The following ENTPD1 variants were observed in gnomAD, a reference collection of about 807,000 sequenced individuals.
ENTPD1 encodes the protein ectonucleoside triphosphate diphosphohydrolase 1.
A neutral mutation model predicts 57.0 loss-of-function variants in ENTPD1; 33 were observed. The observed-to-expected ratio is 0.58, with a 90% CI of 0.44 to 0.77. ENTPD1 has a LOEUF of 0.77. Among genes scored for constraint, ENTPD1 ranks in the 30% least tolerant of loss-of-function variants. ENTPD1 has a pLI of 0.00. For synonymous variants in ENTPD1, 202 were observed against 218.8 expected, an observed-to-expected ratio of 0.92 and a Z score of 0.68; for missense variants, 501 against 603.4, an observed-to-expected ratio of 0.83 and a Z score of 1.78.
At chr10:95,722,235 GT>G (rs71034349) in intron 1 of ENTPD1, among the ~76,000 whole-genome samples, 11 of 146,528 alleles carry the variant, frequency 7.5e-5, no homozygotes, top group South Asian at 2.2e-4. Context: ...ACCCATTGTG[GT>G]TTTTTTTTTA....
chr10:95,868,630 G>A lies in ENTPD1; in HGVS notation c.*2247G>A. The A allele has an allele frequency of 1.0e-6, 1 of 982,932 alleles. No homozygotes were observed. The highest frequency in any genetic ancestry group is 6.1e-5 in the Admixed American group (1 of 16,272). The allele number at this position is 982,932 out of a possible 1,614,324, so 60.9% of individuals were successfully genotyped here. ...CTGACCCTCACAACAACCCATAAGG[G>A]TGTAAATAGTATTTCCATTTTACAA... is the stretch of plus-strand genomic sequence containing the variant. On this transcript the variant is annotated 3_prime_UTR_variant, in exon 10 of 10. Coordinates refer to ENST00000371205, the MANE Select transcript of ENTPD1 (RefSeq NM_001776.6).
intron 1 of ENTPD1, among the ~76,000 whole-genome samples, chr10:95,806,750 T>A (rs1473129874): frequency 6.6e-6 from 1 of 152,222 alleles, no homozygotes; most frequent in Non-Finnish European, 1.5e-5. Flanking sequence ...CAGGCCCCTC[T>A]GCTGCAGGTC....
At chr10:95,694,923 C>T in the ENTPD1 span, among the ~76,000 whole-genome samples, 2 of 103,198 alleles carry the variant, frequency 1.9e-5, no homozygotes, top group South Asian at 6.2e-4. Context: ...TTTTTTGAGA[C>T]GGTGTTTCGC....
intron 1 of ENTPD1, among the ~76,000 whole-genome samples, chr10:95,724,161 CAAAAAAAAAAAA>C (rs35316347): frequency 2.0e-5 from 1 of 50,348 alleles, no homozygotes; most frequent in Non-Finnish European, 3.3e-5. Flanking sequence ...GACTCTGTCT[CAAAAAAAAAAAA>C]AAAAAAAAAA....
intron 7 of ENTPD1, among the ~76,000 whole-genome samples, chr10:95,855,652 T>C (rs2098453242): frequency 6.6e-6 from 1 of 152,122 alleles, no homozygotes; most frequent in African/African-American, 2.4e-5. Flanking sequence ...AATCTCTCAG[T>C]GTTTGCTTGT....
At chr10:95,850,709 C>A (rs190510624) in intron 7 of ENTPD1, among the ~76,000 whole-genome samples, 8 of 152,318 alleles carry the variant, frequency 5.3e-5, no homozygotes, top group Admixed American at 2.0e-4. Flanking sequence ...TACCCCAGCA[C>A]CACCCTTAAA....
intron 1 of ENTPD1, among the ~76,000 whole-genome samples, chr10:95,766,294 A>C (rs1348217624): frequency 6.6e-6 from 1 of 152,216 alleles, no homozygotes; most frequent in Non-Finnish European, 1.5e-5. Context: ...TACAGTAGTC[A>C]AACTCAGGAA....
In ENTPD1 at chr10:95,844,771, G is replaced by T. The variant is rs75237533; in HGVS notation, c.573+136G>T. On this transcript the variant is annotated intron_variant, in intron 5 of 9. Transcript: ENST00000371205. Reference sequence around the variant, plus strand: ...TGGATGGATGGATGACTGGATGAATGAATTTACTCTCACATTTGTAAGGGT... The same window carrying T: ...TGGATGGATGGATGACTGGATGAATTAATTTACTCTCACATTTGTAAGGGT... The T allele has an allele frequency of 0.029, 32,187 of 1,123,744 alleles. 679 individuals are homozygous for T. The highest frequency in any genetic ancestry group is 0.075 in the South Asian group (5,985 of 79,768). The allele number at this position is 1,123,744 out of a possible 1,614,324, so 69.6% of individuals were successfully genotyped here.
chr10:95,751,507 T>TATCACCTGAGAA (rs1395116840), upstream of ENTPD1, among the ~76,000 whole-genome samples: 86 of 152,058 alleles, frequency 5.7e-4, no homozygotes, highest in African/African-American at 1.9e-3. Context: ...TCACCTGAGG[T>TATCACCTGAGAA]CAGGAGTTCG....
intron 1 of ENTPD1, among the ~76,000 whole-genome samples, chr10:95,789,244 T>G (rs1484054744): frequency 6.6e-6 from 1 of 152,200 alleles, no homozygotes; most frequent in Non-Finnish European, 1.5e-5. Flanking sequence ...TTTAGAGAGA[T>G]ATGCTCTTTA....
chr10:95,741,629 G>A (rs2098000466), intron 1 of ENTPD1, among the ~76,000 whole-genome samples: 1 of 152,158 alleles, frequency 6.6e-6, no homozygotes, highest in Non-Finnish European at 1.5e-5. Context: ...AGCAAGTGGA[G>A]TATGCCTGTA....
chr10:95,810,195 G>A (rs1434888420), intron 1 of ENTPD1, among the ~76,000 whole-genome samples: 28 of 146,678 alleles, frequency 1.9e-4, no homozygotes, highest in South Asian at 2.2e-4. Flanking sequence ...GGGCAGAGGC[G>A]CTCCTCACAT....
chr10:95,755,862 T>G (rs2098021087), upstream of ENTPD1: 3 of 1,518,636 alleles, frequency 2.0e-6, no homozygotes, highest in Non-Finnish European at 2.7e-6. Context: ...GAAAAAGGGA[T>G]TTCTATAACG....
chr10:95,816,623 G>T (rs2098330889), intron 1 of ENTPD1, among the ~76,000 whole-genome samples: 1 of 152,142 alleles, frequency 6.6e-6, no homozygotes, highest in Admixed American at 6.5e-5. Context: ...TTGGAGTGAT[G>T]CAGCCACAAG....
In ENTPD1 at chr10:95,756,320, C is replaced by T. The variant is rs552370569; in HGVS notation, c.16+65C>T. ...AAAAAATAGAAGGAAAAATAAAAGC[C>T]CAGACCAAAAAGCAAGTACTTGAAA... On this transcript the variant is annotated intron_variant, in intron 1 of 9. Transcript: ENST00000371205. 45 of 1,514,634 alleles carry T rather than the reference C, an allele frequency of 3.0e-5. No individual in the cohort carries two copies. The East Asian group carries it at 4.2e-4, about 14-fold the overall frequency. The allele number at this position is 1,514,634 out of a possible 1,614,324, so 93.8% of individuals were successfully genotyped here.
At chr10:95,780,306 A>T (rs2098151857) in intron 1 of ENTPD1, among the ~76,000 whole-genome samples, 1 of 152,164 alleles carries the variant, frequency 6.6e-6, no homozygotes, top group Non-Finnish European at 1.5e-5. Context: ...AAGTAAGAAT[A>T]AATATGTGGC....
intron 1 of ENTPD1, among the ~76,000 whole-genome samples, chr10:95,759,431 G>A (rs764975373): frequency 7.9e-5 from 12 of 152,194 alleles, no homozygotes; most frequent in Non-Finnish European, 1.6e-4. Flanking sequence ...AGCCAACTTT[G>A]CTTTCTCTGA....
intron 1 of ENTPD1, among the ~76,000 whole-genome samples, chr10:95,782,572 A>T (rs992082929): frequency 6.6e-5 from 10 of 152,186 alleles, no homozygotes; most frequent in Non-Finnish European, 1.3e-4. Flanking sequence ...TGAACCTGGT[A>T]AAAACAACCC....
chr10:95,838,214 C>T, intron 2 of ENTPD1, among the ~76,000 whole-genome samples: 1 of 152,118 alleles, frequency 6.6e-6, no homozygotes, highest in Non-Finnish European at 1.5e-5. Flanking sequence ...ATTAATCAAT[C>T]ATGGAATTTT....
Sources: allele counts gnomAD v4.1 joint callset (sites outside exome capture counted in the v4.1 genomes callset), GRCh38; gene constraint gnomAD v4.1.1; transcripts MANE v1.5; gene names NCBI Gene and HGNC (gene_info 2026-07-23, HGNC 2026-07-21).